GLRA1: variants seen among roughly 807,000 people sequenced by gnomAD.
GLRA1 encodes the protein glycine receptor alpha 1.
GLRA1 carries 37 observed loss-of-function variants against 48.3 expected under a neutral mutation model. The observed-to-expected ratio is 0.77, with a 90% CI of 0.59 to 1.01. GLRA1 has a LOEUF of 1.01. Ranked by LOEUF, GLRA1 falls within the 50% of genes least tolerant of loss-of-function variation. GLRA1 has a pLI of 0.00. For missense variants in GLRA1, 427 were observed against 571.0 expected, an observed-to-expected ratio of 0.75 and a Z score of 2.57; for synonymous variants, 196 against 210.7, an observed-to-expected ratio of 0.93 and a Z score of 0.60.
chr5:151,916,768 G>A (rs556720276), intron 1 of GLRA1, among the ~76,000 whole-genome samples: 2 of 152,220 alleles, frequency 1.3e-5, no homozygotes, highest in African/African-American at 4.8e-5. Flanking sequence ...CCAGGGCCAG[G>A]ATTTAAAACT....
chr5:151,849,406 C>G (rs186337489), intron 7 of GLRA1, among the ~76,000 whole-genome samples: 3 of 10,650 alleles, frequency 2.8e-4, no homozygotes, highest in African/African-American at 3.8e-4. Flanking sequence ...CTTTCCTTTC[C>G]TTTCCTTTCC....
chr5:151,915,876 G>A (rs564829808), intron 1 of GLRA1, among the ~76,000 whole-genome samples: 96 of 152,214 alleles, frequency 6.3e-4, no homozygotes, highest in Non-Finnish European at 1.1e-3. Flanking sequence ...ACGTGATCAA[G>A]GACAGAGAAA....
chr5:151,838,896 T>TG (rs1245395575), intron 7 of GLRA1, among the ~76,000 whole-genome samples: 23 of 152,272 alleles, frequency 1.5e-4, no homozygotes, highest in African/African-American at 5.5e-4. Context: ...TTTTTTCAGA[T>TG]GGAGTCTCGC....
intron 1 of GLRA1, among the ~76,000 whole-genome samples, chr5:151,908,915 C>T (rs1754542153): frequency 6.6e-6 from 1 of 152,150 alleles, no homozygotes; most frequent in South Asian, 2.1e-4. Flanking sequence ...TGTCTTTCTC[C>T]ATATGAAGAC....
rs1036958642 is a variant in GLRA1, at chr5:151,918,806, C to T, written c.56+5688G>A. Among the ~76,000 whole-genome samples, 7 of 152,166 alleles carry T rather than the reference C, an allele frequency of 4.6e-5. No individual in the cohort carries two copies. The East Asian group carries it at 1.3e-3, about 29-fold the overall frequency. On this transcript the variant is annotated intron_variant, in intron 1 of 8. Coordinates refer to ENST00000274576, the MANE Select transcript of GLRA1 (RefSeq NM_000171.4). ...ACACTTCCACTGACAGACACCATCA[C>T]TACCACTGAGGCAGCCCACAGTATC...
intron 3 of GLRA1, among the ~76,000 whole-genome samples, chr5:151,883,353 G>A (rs544602463): frequency 1.3e-5 from 2 of 152,336 alleles, no homozygotes; most frequent in East Asian, 1.9e-4. Flanking sequence ...TTGCTTACGT[G>A]TACTTTGTAG....
chr5:151,873,469 G>C (rs1474381447), intron 3 of GLRA1, among the ~76,000 whole-genome samples: 1 of 150,150 alleles, frequency 6.7e-6, no homozygotes, highest in East Asian at 1.9e-4. Context: ...AGACCAGCCT[G>C]GCCAATATGG....
chr5:151,923,206 C>T lies in GLRA1; in HGVS notation c.56+1288G>A, dbSNP rs1748149474. Among the ~76,000 whole-genome samples, 3 of 152,142 alleles carry T rather than the reference C, an allele frequency of 2.0e-5. No homozygotes were observed. In the South Asian group the frequency reaches 6.2e-4, roughly 32 times the overall value. On this transcript the variant is annotated intron_variant, in intron 1 of 8. Transcript: ENST00000274576. ...GGGTATCTCAGATAAGGGGGGATGCCTTTTCTTCATCTCAAGAGACATGAA... is the reference window on the plus strand; with the variant it reads ...GGGTATCTCAGATAAGGGGGGATGCTTTTTCTTCATCTCAAGAGACATGAA...
chr5:151,873,508 A>T (rs764627989), intron 3 of GLRA1, among the ~76,000 whole-genome samples: 5 of 151,724 alleles, frequency 3.3e-5, no homozygotes, highest in African/African-American at 4.9e-5. Flanking sequence ...AAAAATACAA[A>T]AATTAGCCGG....
chr5:151,863,430 TAAACA>T (rs1485443442), intron 3 of GLRA1, among the ~76,000 whole-genome samples: 1 of 151,982 alleles, frequency 6.6e-6, no homozygotes, highest in African/African-American at 2.4e-5. Flanking sequence ...CACAAACAAA[TAAACA>T]AAACAAAAAG....
intron 3 of GLRA1, among the ~76,000 whole-genome samples, chr5:151,886,291 T>C (rs940281398): frequency 1.3e-5 from 2 of 152,190 alleles, no homozygotes; most frequent in African/African-American, 4.8e-5. Flanking sequence ...ATTCTAAACT[T>C]TTTTACTGTG....
At chr5:151,867,563 GC>G (rs1490880088) in intron 3 of GLRA1, among the ~76,000 whole-genome samples, 1 of 152,150 alleles carries the variant, frequency 6.6e-6, no homozygotes, top group Non-Finnish European at 1.5e-5. Flanking sequence ...CCTTATTGAG[GC>G]CCTACTATAC....
intron 1 of GLRA1, among the ~76,000 whole-genome samples, chr5:151,905,038 A>G (rs1010806287): frequency 3.3e-5 from 5 of 152,234 alleles, no homozygotes; most frequent in Admixed American, 2.6e-4. Context: ...CAATAGGATT[A>G]AGATGATCTG....
At chr5:151,861,381 A>C (rs1300235483) in intron 3 of GLRA1, among the ~76,000 whole-genome samples, 2 of 152,318 alleles carry the variant, frequency 1.3e-5, no homozygotes, top group African/African-American at 4.8e-5. Context: ...CATCCTCTCC[A>C]GCACCTGTTG....
intron 1 of GLRA1, among the ~76,000 whole-genome samples, chr5:151,897,863 G>A (rs1188236967): frequency 1.3e-5 from 2 of 152,186 alleles, no homozygotes; most frequent in African/African-American, 4.8e-5. Context: ...GATGTATTAT[G>A]TATGTTATGT....
chr5:151,847,973 G>C (rs1261546783), intron 7 of GLRA1, among the ~76,000 whole-genome samples: 1 of 152,218 alleles, frequency 6.6e-6, no homozygotes, highest in Non-Finnish European at 1.5e-5. Flanking sequence ...GCTGTGTCTA[G>C]TGCTGATAGT....
chr5:151,847,715 G>T (rs1482291839), intron 7 of GLRA1, among the ~76,000 whole-genome samples: 1 of 149,442 alleles, frequency 6.7e-6, no homozygotes, highest in Non-Finnish European at 1.5e-5. Flanking sequence ...AACGGAGTGA[G>T]ACTTCGTCTC....
intron 3 of GLRA1, among the ~76,000 whole-genome samples, chr5:151,863,951 T>A (rs990930907): frequency 6.6e-6 from 1 of 152,182 alleles, no homozygotes. Context: ...CCATAGAAAG[T>A]GACATTTGGC....
At chr5:151,826,431 A>G (rs933185634) in intron 8 of GLRA1, among the ~76,000 whole-genome samples, 13 of 152,182 alleles carry the variant, frequency 8.5e-5, no homozygotes, top group Non-Finnish European at 1.9e-4. Flanking sequence ...CTGCTTCAGG[A>G]TGGACACACT....
Sources: allele counts gnomAD v4.1 joint callset (sites outside exome capture counted in the v4.1 genomes callset), GRCh38; gene constraint gnomAD v4.1.1; transcripts MANE v1.5; gene names NCBI Gene and HGNC (gene_info 2026-07-23, HGNC 2026-07-21).